Variants in RAP1GAP2 observed in about 807,000 individuals in gnomAD.
RAP1GAP2 encodes RAP1 GTPase activating protein 2.
Under a neutral mutation model 95.0 loss-of-function variants are expected in RAP1GAP2, and 27 were observed. That is an observed-to-expected ratio of 0.28 (90% CI 0.21 to 0.39). The LOEUF is 0.39. RAP1GAP2 is among the 10% of genes least tolerant of loss of function. The pLI is 1.00. For synonymous variants in RAP1GAP2, 373 were observed against 380.9 expected (o/e 0.98, Z 0.24); for missense variants, 771 against 970.0 (o/e 0.79, Z 2.72).
chr17:3,013,838 C>T (rs1373320013), intron 17 of RAP1GAP2, among the ~76,000 whole-genome samples: 1 of 151,974 alleles, frequency 6.6e-6, no homozygotes, highest in African/African-American at 2.4e-5. Flanking sequence ...ATTTACCCTT[C>T]AGAACTTTTT....
At chr17:2,975,627 C>T (rs1181929871) in intron 8 of RAP1GAP2, among the ~76,000 whole-genome samples, 1 of 152,210 alleles carries the variant, frequency 6.6e-6, no homozygotes, top group Non-Finnish European at 1.5e-5. Flanking sequence ...TGTTTGGGAG[C>T]AGGAACTCAC....
rs546484357 is a variant in RAP1GAP2, at chr17:2,871,948, G to A, written c.81-33336G>A. ...ACTTAAAATAGAATGATGAGGCCAG[G>A]CGTGGTGGCTCACGCCTGGAATCTC... On this transcript the variant is annotated intron_variant, in intron 2 of 24. Coordinates refer to ENST00000254695, the MANE Select transcript of RAP1GAP2 (RefSeq NM_015085.5). The surrounding 1 kb of genome is among the most constrained non-coding windows in gnomAD (Gnocchi z 5.0). Among the ~76,000 whole-genome samples, 59 of 152,300 alleles carry A rather than the reference G, an allele frequency of 3.9e-4. No homozygotes were observed. Among genetic ancestry groups the A allele is most frequent in the African/African-American group, 1.3e-3 (56 of 41,582 alleles).
At chr17:2,823,851 C>T (rs7214239) in intron 2 of RAP1GAP2, among the ~76,000 whole-genome samples, 62,998 of 151,818 alleles carry the variant, frequency 0.41, 13,424 homozygotes, top group Non-Finnish European at 0.48. Context: ...GGGCCGGGCA[C>T]GGCGGCTCAC....
intron 1 of RAP1GAP2, among the ~76,000 whole-genome samples, chr17:2,786,861 G>C (rs1007458937): frequency 6.6e-6 from 1 of 151,062 alleles, no homozygotes; most frequent in Non-Finnish European, 1.5e-5. Context: ...TGGCAGGGCT[G>C]GTCTCAAACT....
upstream of RAP1GAP2, chr17:2,755,650 C>G (rs1242518024): frequency 1.2e-5 from 3 of 248,618 alleles, no homozygotes; most frequent in Non-Finnish European, 2.3e-5. Flanking sequence ...GCCCCGGACA[C>G]CCGCCTGCGG....
chr17:2,916,230 T>C (rs1482985397), intron 3 of RAP1GAP2, among the ~76,000 whole-genome samples: 1 of 152,198 alleles, frequency 6.6e-6, no homozygotes, highest in Non-Finnish European at 1.5e-5. Flanking sequence ...TCTCCAACCA[T>C]GGTGTTTCTC....
intron 2 of RAP1GAP2, among the ~76,000 whole-genome samples, chr17:2,831,160 C>T (rs905529146): frequency 1.4e-4 from 19 of 133,748 alleles, no homozygotes; most frequent in Admixed American, 3.8e-4. Flanking sequence ...TCACTGCAAC[C>T]TCTGCCTCCC....
intron 2 of RAP1GAP2, among the ~76,000 whole-genome samples, chr17:2,843,809 C>A (rs961054602): frequency 1.3e-5 from 2 of 152,054 alleles, no homozygotes; most frequent in African/African-American, 4.8e-5. Context: ...CAACATCTTT[C>A]CCCCTGTGAT....
rs761658523 is a variant in RAP1GAP2 at position 3,030,973 on chromosome 17, A to G, written c.2159A>G (p.Lys720Arg). Residue 720 changes from lysine to arginine, a missense_variant, in exon 23 of 25, where the codon AAG (lysine) becomes AGG (arginine). Transcript: ENST00000254695. ...TCGAACCTGAAATTCCGCTTTGACA[A>G]GCTCAGCCATGCCAGCTCTGGTGCG... ...PRSNLKFRFD[K>R]LSHASSGAGH The G allele has an allele frequency of 3.1e-6, 5 of 1,610,410 alleles. No homozygotes were observed. The highest frequency in any genetic ancestry group is 4.2e-6 in the Non-Finnish European group (5 of 1,178,486).
chr17:2,933,658 C>A (rs889542933), intron 3 of RAP1GAP2, among the ~76,000 whole-genome samples: 1 of 152,254 alleles, frequency 6.6e-6, no homozygotes, highest in South Asian at 2.1e-4. Context: ...AAGCCTTTGC[C>A]TGGGCTGTTC....
chr17:2,779,847 G>A (rs2068598095), intron 1 of RAP1GAP2, among the ~76,000 whole-genome samples: 1 of 151,986 alleles, frequency 6.6e-6, no homozygotes, highest in Non-Finnish European at 1.5e-5. Flanking sequence ...AGGTGGCCAA[G>A]AAGCATGGAA....
intron 2 of RAP1GAP2, among the ~76,000 whole-genome samples, chr17:2,832,166 T>C (rs1337947901): frequency 1.5e-5 from 2 of 137,084 alleles, no homozygotes; most frequent in Non-Finnish European, 3.1e-5. Context: ...ATCACGCCAT[T>C]GCATTCCAGT....
chr17:2,980,132 T>C (rs576933646), intron 8 of RAP1GAP2, among the ~76,000 whole-genome samples, 155 bp from the exon 9 acceptor site: 1 of 151,452 alleles, frequency 6.6e-6, no homozygotes, highest in Non-Finnish European at 1.5e-5. Context: ...TAGTAGAGAC[T>C]GGGTTTCACC....
intron 2 of RAP1GAP2, among the ~76,000 whole-genome samples, chr17:2,847,924 G>A (rs2071658942): frequency 6.6e-6 from 1 of 151,948 alleles, no homozygotes; most frequent in Non-Finnish European, 1.5e-5. Context: ...TTTTCACTGT[G>A]GGAAAAATTA....
chr17:2,881,260 CAA>C (rs144994676), intron 2 of RAP1GAP2, among the ~76,000 whole-genome samples: 16 of 120,000 alleles, frequency 1.3e-4, no homozygotes, highest in Admixed American at 2.5e-4. Context: ...GACTCTGCCT[CAA>C]AAAAAAAAAA....
chr17:2,822,451 G>A (rs933727763), intron 2 of RAP1GAP2, among the ~76,000 whole-genome samples: 5 of 151,660 alleles, frequency 3.3e-5, no homozygotes, highest in African/African-American at 7.3e-5. Context: ...GTGAAACCTC[G>A]TTGCCAAAGA....
At chr17:2,969,584 C>G (rs577428079) in intron 8 of RAP1GAP2, among the ~76,000 whole-genome samples, 1 of 140,422 alleles carries the variant, frequency 7.1e-6, no homozygotes, top group South Asian at 2.3e-4. Context: ...TTATTGCAAC[C>G]TGCAACTCCC....
intron 14 of RAP1GAP2, among the ~76,000 whole-genome samples, chr17:3,002,798 C>A (rs911385568): frequency 6.6e-6 from 1 of 152,202 alleles, no homozygotes; most frequent in Non-Finnish European, 1.5e-5. Flanking sequence ...CCTTCCCTCT[C>A]TGGGCCTCTA....
chr17:2,970,655 C>T (rs2151509921), intron 8 of RAP1GAP2, among the ~76,000 whole-genome samples: 1 of 152,310 alleles, frequency 6.6e-6, no homozygotes, highest in South Asian at 2.1e-4. Context: ...GACATCTCTT[C>T]ATATATTTAA....
Sources: allele counts gnomAD v4.1 joint callset (sites outside exome capture counted in the v4.1 genomes callset), GRCh38; gene constraint gnomAD v4.1.1; non-coding constraint Gnocchi (gnomAD v3.1); transcripts MANE v1.5; gene names NCBI Gene and HGNC (gene_info 2026-07-23, HGNC 2026-07-21).